The following OCLN variants were observed in gnomAD, a reference collection of about 807,000 sequenced individuals.
OCLN encodes the protein occludin, also known as phosphatase 1, regulatory subunit 115.
OCLN carries 21 observed loss-of-function variants against 47.9 expected under a neutral mutation model. The ratio of observed to expected loss-of-function variants is 0.44; its 90% CI spans 0.31 to 0.63. The LOEUF (loss-of-function observed/expected upper bound fraction) is 0.63, where lower values mean the gene tolerates loss of function less well. Ranked by LOEUF, OCLN falls within the 30% of genes least tolerant of loss-of-function variation. The pLI, the probability that OCLN is intolerant of heterozygous loss-of-function variation, is 0.08. For synonymous variants in OCLN, 117 were observed against 198.4 expected, an observed-to-expected ratio of 0.59 and a Z score of 3.45; for missense variants, 360 against 571.0, an observed-to-expected ratio of 0.63 and a Z score of 3.77.
intron 1 of OCLN, among the ~76,000 whole-genome samples, chr5:69,497,310 C>T (rs1032483634): frequency 2.1e-4 from 32 of 150,652 alleles, no homozygotes; most frequent in Non-Finnish European, 5.9e-5. Flanking sequence ...TAAAGCGATT[C>T]TTCTGACGTT....
At chr5:69,530,780 TG>T (rs1769408287) in intron 4 of OCLN, 1 of 152,294 alleles carries the variant, frequency 6.6e-6, no homozygotes, top group Non-Finnish European at 1.5e-5. Context: ...TGCTGAAGGG[TG>T]GAGTCAGTGG....
chr5:69,520,127 T>C (rs1042697547), intron 4 of OCLN, among the ~76,000 whole-genome samples: 73 of 151,618 alleles, frequency 4.8e-4, no homozygotes, highest in Admixed American at 1.4e-3. Flanking sequence ...TGCAGCTACT[T>C]TTTGTATGTT....
chr5:69,525,770 A>G (rs770084142), intron 4 of OCLN, among the ~76,000 whole-genome samples: 8 of 152,140 alleles, frequency 5.3e-5, no homozygotes, highest in Non-Finnish European at 8.8e-5. Context: ...CCCTTTATAG[A>G]TATGACAAGC....
intron 7 of OCLN, among the ~76,000 whole-genome samples, chr5:69,549,245 G>A (rs1354739350): frequency 1.7e-5 from 2 of 119,508 alleles, no homozygotes; most frequent in African/African-American, 6.5e-5. Flanking sequence ...GGAGGCTGAG[G>A]CAGGAGAATG....
chr5:69,515,430 A>G lies in OCLN; in HGVS notation c.891+1321A>G, dbSNP rs865776894. Among the ~76,000 whole-genome samples, 738 of 89,944 alleles carry G rather than the reference A, an allele frequency of 8.2e-3. 10 individuals carry two copies. Among genetic ancestry groups the G allele is most frequent in the African/African-American group, 0.028 (650 of 23,212 alleles). The allele number at this position is 89,944 out of a possible 152,430, so 59.0% of individuals were successfully genotyped here. A position where few individuals can be genotyped will look rare whatever the true frequency, so the allele number is the denominator to read the frequency against. ...GGGCTGACCCCCCTACCTCCCTCCC[A>G]GACGGGGCGGCTGGCCGGGCAGAGG... is the stretch of plus-strand genomic sequence containing the variant. On this transcript the variant is annotated intron_variant, in intron 4 of 8. Coordinates refer to ENST00000396442, the MANE Select transcript of OCLN (RefSeq NM_001205254.2).
Position 69,502,494 on chromosome 5 carries a change from G to T in OCLN, c.-68-1683G>T, listed in dbSNP as rs574436014. The T allele has an allele frequency of 6.6e-5, 10 of 152,162 alleles. No homozygotes were observed. The South Asian group carries it at 2.1e-3, about 32-fold the overall frequency. 9.4% of individuals were successfully genotyped at this position (152,162 alleles called of 1,614,324 possible). ...TAAACATTCAACAAATTATCTGGAC[G>T]TCTACTATGTGCCAGGCATTGATTT... On this transcript the variant is annotated intron_variant, in intron 1 of 8. Transcript: ENST00000396442.
intron 5 of OCLN, among the ~76,000 whole-genome samples, chr5:69,537,323 AAGTAGCTGAGACTACTTAGTCACCTC>A (rs1184658810): frequency 2.2e-5 from 1 of 46,354 alleles, no homozygotes; most frequent in Admixed American, 3.1e-4. Flanking sequence ...TTAGTCACCT[AAGTAGCTGAGACTACTTAGTCACCTC>A]AGTAGCTGGG....
At chr5:69,529,212 G>A (rs951200412) in intron 4 of OCLN, among the ~76,000 whole-genome samples, 4 of 152,162 alleles carry the variant, frequency 2.6e-5, no homozygotes, top group Non-Finnish European at 5.9e-5. Context: ...GGTATTTGGA[G>A]AAGAGCACCT....
At chr5:69,501,383 A>G (rs191020422) in intron 1 of OCLN, among the ~76,000 whole-genome samples, 15 of 152,342 alleles carry the variant, frequency 9.8e-5, no homozygotes, top group African/African-American at 3.1e-4. Context: ...TAATCCCAGT[A>G]CTTTGGGAGG....
chr5:69,526,486 G>A (rs888831393), intron 4 of OCLN, among the ~76,000 whole-genome samples: 1 of 149,286 alleles, frequency 6.7e-6, no homozygotes, highest in Non-Finnish European at 1.5e-5. Context: ...TTTTGTTTAA[G>A]TAAGGGGCCT....
intron 4 of OCLN, among the ~76,000 whole-genome samples, chr5:69,533,638 T>C (rs992398935): frequency 1.3e-5 from 2 of 152,158 alleles, no homozygotes; most frequent in Non-Finnish European, 2.9e-5. Context: ...AGAACCTGTA[T>C]ATGTATTTCA....
At chr5:69,520,518 C>T (rs1244464994) in intron 4 of OCLN, among the ~76,000 whole-genome samples, 1 of 151,624 alleles carries the variant, frequency 6.6e-6, no homozygotes, top group African/African-American at 2.4e-5. Flanking sequence ...CCAGGCTGGC[C>T]TCAAACTTCT....
chr5:69,504,106 G>C lies in OCLN; in HGVS notation c.-68-71G>C, dbSNP rs1768530751. ...CAGGGTGAGACCCTGTCTCGGGGTGGGGGTGGGATGAAGAAAAGAAAGAAA... is the reference window on the plus strand; with the variant it reads ...CAGGGTGAGACCCTGTCTCGGGGTGCGGGTGGGATGAAGAAAAGAAAGAAA... On this transcript the variant is annotated intron_variant, in intron 1 of 8. Transcript: ENST00000396442. 3 of 706,174 alleles carry C rather than the reference G, an allele frequency of 4.2e-6. No homozygotes were observed. The Admixed American group carries it at 6.3e-5, about 15-fold the overall frequency. 43.7% of individuals were successfully genotyped at this position (706,174 alleles called of 1,614,324 possible). A position where few individuals can be genotyped will look rare whatever the true frequency, so the allele number is the denominator to read the frequency against.
intron 4 of OCLN, among the ~76,000 whole-genome samples, chr5:69,530,360 T>A (rs1240266623): frequency 1.3e-5 from 2 of 152,168 alleles, no homozygotes; most frequent in Non-Finnish European, 2.9e-5. Context: ...AATGAGCACC[T>A]GTTCACTTTG....
intron 4 of OCLN, among the ~76,000 whole-genome samples, chr5:69,533,783 G>C (rs538009777): frequency 1.3e-5 from 2 of 152,262 alleles, no homozygotes; most frequent in South Asian, 4.1e-4. Context: ...CTCCCGAGTA[G>C]CTGGGACTAC....
chr5:69,514,180 G>C, intron 4 of OCLN, 71 bp downstream of exon 4: 1 of 1,319,104 alleles, frequency 7.6e-7, no homozygotes, highest in Non-Finnish European at 1.1e-6. Context: ...TTAGTGCTTT[G>C]TTAAACTTTA....
intron 1 of OCLN, among the ~76,000 whole-genome samples, chr5:69,495,167 G>C (rs926663090): frequency 6.6e-6 from 1 of 152,112 alleles, no homozygotes; most frequent in Non-Finnish European, 1.5e-5. Flanking sequence ...GCATTTTAAG[G>C]CTTATTTGAT....
Position 69,554,368 on chromosome 5 carries a change from C to T in OCLN, c.*697C>T, listed in dbSNP as rs534412736. On this transcript the variant is annotated 3_prime_UTR_variant, in exon 9 of 9. Transcript: ENST00000396442. ...TACTTTTTTAAGATCAAAGTTTAAA[C>T]CCCGTGGTTAGAATTTTGTGTGTTT... 6.6e-6 allele frequency: 1 copy of T among 151,864 alleles called. No individual in the cohort carries two copies. The highest frequency in any genetic ancestry group is 1.5e-5 in the Non-Finnish European group (1 of 68,004). 9.4% of individuals were successfully genotyped at this position (151,864 alleles called of 1,614,324 possible). A position where few individuals can be genotyped will look rare whatever the true frequency, so the allele number is the denominator to read the frequency against.
At chr5:69,501,756 TCTTC>T (rs890214722) in intron 1 of OCLN, among the ~76,000 whole-genome samples, 19 of 152,368 alleles carry the variant, frequency 1.2e-4, no homozygotes, top group African/African-American at 4.6e-4. Flanking sequence ...AGAAAAGTCA[TCTTC>T]CTTCATGTCT....
Sources: allele counts gnomAD v4.1 joint callset (sites outside exome capture counted in the v4.1 genomes callset), GRCh38; gene constraint gnomAD v4.1.1; transcripts MANE v1.5; gene names NCBI Gene and HGNC (gene_info 2026-07-23, HGNC 2026-07-21).